Variants in SERBP1 observed in about 807,000 individuals in gnomAD.
The protein encoded by SERBP1 is SERPINE1 mRNA-binding protein 1.
A neutral mutation model predicts 50.2 loss-of-function variants in SERBP1; 6 were observed. The observed-to-expected ratio is 0.12, with a 90% CI of 0.07 to 0.24. SERBP1 has a LOEUF of 0.24. Among genes scored for constraint, SERBP1 ranks in the 10% least tolerant of loss-of-function variants. SERBP1 has a pLI of 1.00. For missense variants in SERBP1, 346 were observed against 524.9 expected (o/e 0.66, Z 3.33); for synonymous variants, 168 against 182.8 (o/e 0.92, Z 0.65).
intron 6 of SERBP1, among the ~76,000 whole-genome samples, chr1:67,417,661 C>G (rs941119067): frequency 1.3e-5 from 2 of 151,856 alleles, no homozygotes; most frequent in African/African-American, 4.8e-5. Flanking sequence ...CACAGGTGCA[C>G]GCAACCACAT....
intron 6 of SERBP1, among the ~76,000 whole-genome samples, chr1:67,418,283 CG>C (rs1667090890): frequency 1.3e-5 from 2 of 152,034 alleles, no homozygotes; most frequent in South Asian, 4.2e-4. Flanking sequence ...GCTGAAACCA[CG>C]TGTTCTAATG....
intron 6 of SERBP1, among the ~76,000 whole-genome samples, chr1:67,416,781 T>C (rs1667025096): frequency 6.6e-6 from 1 of 152,236 alleles, no homozygotes. Context: ...TAGAATGTTC[T>C]AATACAAATT....
intron 6 of SERBP1, 98 bp downstream of exon 6, chr1:67,419,911 A>G (rs1570290925): frequency 1.9e-6 from 2 of 1,049,698 alleles, no homozygotes; most frequent in Admixed American, 4.4e-5. Context: ...GTAAAGCTTT[A>G]ACAGACAAAT....
intron 7 of SERBP1, among the ~76,000 whole-genome samples, chr1:67,413,507 G>C (rs1666905558): frequency 6.6e-6 from 1 of 152,012 alleles, no homozygotes; most frequent in Admixed American, 6.6e-5. Context: ...ACAATTAGCT[G>C]GGTGTGGTGG....
At position 67,420,104 on chromosome 1, in the gene SERBP1, G is replaced by A. The variant is rs1667153486; in HGVS notation, c.856C>T (p.Arg286Trp). 2 of 1,613,390 alleles carry A rather than the reference G, an allele frequency of 1.2e-6. No homozygotes were observed. The highest frequency in any genetic ancestry group is 1.3e-5 in the African/African-American group (1 of 74,822). ...CGGATATTAAATTCTACTTTTGCCC[G>A]GTCCTTATTTTGAATAGCCTTCCAC... ...DEWKAIQNKDRAKVEFNIRKP... is the reference protein window; with the variant it reads ...DEWKAIQNKDWAKVEFNIRKP... Residue 286 changes from arginine (R) to tryptophan (W), a missense_variant, in exon 6 of 8, where the codon CGG becomes TGG. Arg to Trp is a moderately radical substitution (Grantham distance 101). Coordinates refer to ENST00000361219, the MANE Select transcript of SERBP1 (RefSeq NM_001018069.2).
At chr1:67,418,206 C>T (rs1413128350) in intron 6 of SERBP1, among the ~76,000 whole-genome samples, 1 of 151,072 alleles carries the variant, frequency 6.6e-6, no homozygotes, top group East Asian at 2.0e-4. Context: ...AACTCCCGAC[C>T]TCAGGTGATC....
rs1666884600 is a variant in SERBP1, at chr1:67,412,818, G to A, written c.*389C>T. On this transcript the variant is annotated 3_prime_UTR_variant, in exon 8 of 8. Transcript: ENST00000361219. Reference sequence around the variant, plus strand: ...TATTTAAAACCAGTTTGTAATTGGGGGAACTTCTAAATCCTTAATTAAAAA... The same window carrying A: ...TATTTAAAACCAGTTTGTAATTGGGAGAACTTCTAAATCCTTAATTAAAAA... The A allele has an allele frequency of 1.7e-5, 3 of 172,428 alleles. No homozygotes were observed. In the South Asian group the frequency reaches 4.8e-4, roughly 28 times the overall value. 10.7% of individuals were successfully genotyped at this position (172,428 alleles called of 1,614,324 possible). A position where few individuals can be genotyped will look rare whatever the true frequency, so the allele number is the denominator to read the frequency against.
intron 5 of SERBP1, 54 bp from the exon 6 acceptor site, chr1:67,420,240 A>C (rs1338641123): frequency 7.6e-7 from 1 of 1,307,554 alleles, no homozygotes; most frequent in African/African-American, 1.5e-5. Context: ...ATTACATAAA[A>C]GTATTTTAAA....
intron 5 of SERBP1, among the ~76,000 whole-genome samples, chr1:67,422,260 TC>T (rs1176383061): frequency 6.6e-6 from 1 of 152,188 alleles, no homozygotes; most frequent in East Asian, 1.9e-4. Context: ...ACGCCTGTAA[TC>T]CCAGCACTTT....
intron 1 of SERBP1, among the ~76,000 whole-genome samples, chr1:67,428,737 A>T (rs79323595): frequency 7.4e-6 from 1 of 136,046 alleles, no homozygotes; most frequent in African/African-American, 3.1e-5. Flanking sequence ...AAAGTCCTCA[A>T]AAAAAAAAAA....
At position 67,412,431 on chromosome 1, in the gene SERBP1, T is replaced by A. The variant is rs147845820; in HGVS notation, c.*776A>T. The A allele has an allele frequency of 0.011, 1,636 of 152,656 alleles. 10 individuals carry two copies. The highest frequency in any genetic ancestry group is 0.016 in the Non-Finnish European group (1,118 of 68,028). 9.5% of individuals were successfully genotyped at this position (152,656 alleles called of 1,614,324 possible). A position where few individuals can be genotyped will look rare whatever the true frequency, so the allele number is the denominator to read the frequency against. On this transcript the variant is annotated 3_prime_UTR_variant, in exon 8 of 8. Coordinates refer to ENST00000361219, the MANE Select transcript of SERBP1 (RefSeq NM_001018069.2). ...TTTAAACAACTTTCACCAATTAAGA[T>A]GTCTAGTTTAGATTTTAAAATGGGA...
chr1:67,415,559 A>C (rs1666977294), intron 6 of SERBP1, among the ~76,000 whole-genome samples: 1 of 152,330 alleles, frequency 6.6e-6, no homozygotes, highest in Non-Finnish European at 1.5e-5. Flanking sequence ...TGCAGGTAAT[A>C]CCAGCAGTCC....
intron 6 of SERBP1, among the ~76,000 whole-genome samples, chr1:67,417,975 T>G (rs1363039183): frequency 2.0e-4 from 27 of 135,856 alleles, no homozygotes; most frequent in African/African-American, 6.9e-4. Flanking sequence ...AGTGTTGTTT[T>G]TTTTTTTTTT....
In SERBP1 at chr1:67,426,386, TTCC is replaced by T. The variant is rs1164412794; in HGVS notation, c.314-104_314-102del. 3.3e-6 allele frequency: 4 copies of T among 1,229,106 alleles called. No homozygotes were observed. The Admixed American group carries it at 1.2e-4, about 36-fold the overall frequency. The allele number at this position is 1,229,106 out of a possible 1,614,324, so 76.1% of individuals were successfully genotyped here. On this transcript the variant is annotated intron_variant, in intron 1 of 7. Coordinates refer to ENST00000361219, the MANE Select transcript of SERBP1 (RefSeq NM_001018069.2). ...TGCTTCTCTTCCAATCCACTACCAT[TTCC>T]TGTTGGAAAAAAGCAAACACTGGGC...
At chr1:67,429,632 C>T (rs1178943660) in intron 1 of SERBP1, 1 of 198,572 alleles carries the variant, frequency 5.0e-6, no homozygotes, top group Non-Finnish European at 1.0e-5. Flanking sequence ...GAGGGGCCGG[C>T]TTCCCCGCAC....
intron 5 of SERBP1, among the ~76,000 whole-genome samples, chr1:67,421,474 G>C (rs1292393221): frequency 6.6e-6 from 1 of 152,268 alleles, no homozygotes; most frequent in African/African-American, 2.4e-5. Flanking sequence ...TTCTCCCCTA[G>C]TCTGGAATAA....
intron 1 of SERBP1, among the ~76,000 whole-genome samples, chr1:67,427,222 G>C (rs1327724252): frequency 6.6e-6 from 1 of 152,206 alleles, no homozygotes; most frequent in Admixed American, 6.5e-5. Context: ...GACACTAAGT[G>C]ATAGCTGAAG....
rs959900571 is a variant in SERBP1, at chr1:67,411,599, G to T, written c.*1608C>A. 6 of 152,106 alleles carry T rather than the reference G, an allele frequency of 3.9e-5. No individual in the cohort carries two copies. Among genetic ancestry groups the T allele is most frequent in the African/African-American group, 1.4e-4 (6 of 41,428 alleles). The allele number at this position is 152,106 out of a possible 1,614,324, so 9.4% of individuals were successfully genotyped here. ...CAATTACCTCCTTCCTAAAATGTCA[G>T]AATAGTAGGTAACTGAGATTAATAA... On this transcript the variant is annotated 3_prime_UTR_variant, in exon 8 of 8. Transcript: ENST00000361219.
chr1:67,415,990 C>T (rs927297408), intron 6 of SERBP1, among the ~76,000 whole-genome samples: 5 of 151,214 alleles, frequency 3.3e-5, no homozygotes, highest in African/African-American at 9.7e-5. Flanking sequence ...TAAAACCACA[C>T]CTTAAATGTG....
Sources: allele counts gnomAD v4.1 joint callset (sites outside exome capture counted in the v4.1 genomes callset), GRCh38; gene constraint gnomAD v4.1.1; transcripts MANE v1.5; gene names NCBI Gene and HGNC (gene_info 2026-07-23, HGNC 2026-07-21).